Variants in ZFYVE9 observed in about 807,000 individuals in gnomAD.
ZFYVE9 encodes the protein zinc finger FYVE domain-containing protein 9.
ZFYVE9 carries 43 observed loss-of-function variants against 126.7 expected under a neutral mutation model. The observed-to-expected ratio is 0.34, with a 90% CI of 0.27 to 0.44. The LOEUF is 0.44. Among genes scored for constraint, ZFYVE9 ranks in the 20% least tolerant of loss-of-function variants. The pLI, the probability that ZFYVE9 is intolerant of heterozygous loss-of-function variation, is 1.00. For synonymous variants in ZFYVE9, 521 were observed against 597.4 expected (o/e 0.87, Z 1.87); for missense variants, 1,476 against 1,697.0 (o/e 0.87, Z 2.29).
chr1:52,168,155 A>G (rs1359152930), intron 1 of ZFYVE9, among the ~76,000 whole-genome samples: 1 of 151,872 alleles, frequency 6.6e-6, no homozygotes, highest in African/African-American at 2.4e-5. Context: ...TTGAAAATAG[A>G]AACAAATTAA....
At chr1:52,342,267 C>CTTT (rs35283062) in intron 17 of ZFYVE9, among the ~76,000 whole-genome samples, 12 of 133,206 alleles carry the variant, frequency 9.0e-5, no homozygotes, top group Non-Finnish European at 1.7e-4. Context: ...TATATTTTGC[C>CTTT]TTTTTTTTTT....
At chr1:52,164,984 A>G (rs1421910026) in intron 1 of ZFYVE9, among the ~76,000 whole-genome samples, 1 of 152,164 alleles carries the variant, frequency 6.6e-6, no homozygotes, top group African/African-American at 2.4e-5. Context: ...GTTTGGGAAG[A>G]TGAAAAATTT....
chr1:52,265,538 C>A (rs991376318), intron 5 of ZFYVE9, among the ~76,000 whole-genome samples: 1 of 152,114 alleles, frequency 6.6e-6, no homozygotes, highest in Non-Finnish European at 1.5e-5. Context: ...GCTTTAAAGG[C>A]GATAGGTGAT....
intron 13 of ZFYVE9, among the ~76,000 whole-genome samples, chr1:52,316,708 T>C (rs1646189123): frequency 6.6e-6 from 1 of 152,128 alleles, no homozygotes; most frequent in Non-Finnish European, 1.5e-5. Flanking sequence ...AGAGAACTGG[T>C]AAAACAAAAG....
At chr1:52,208,721 C>T (rs918636424) in intron 1 of ZFYVE9, among the ~76,000 whole-genome samples, 30 of 152,126 alleles carry the variant, frequency 2.0e-4, no homozygotes, top group South Asian at 8.3e-4. Context: ...TTAGTAGAGA[C>T]GGGGTTTCTC....
Position 52,340,585 on chromosome 1 carries a change from TA to T in ZFYVE9, c.3939+360del, listed in dbSNP as rs201792070. Reference sequence around the variant, plus strand: ...CTATTTTAGATAACATGACGGTCTTTAAAAAATACTTATTTCACTAATAAGA... The same window carrying T: ...CTATTTTAGATAACATGACGGTCTTTAAAAATACTTATTTCACTAATAAGA... On this transcript the variant is annotated intron_variant, in intron 17 of 18. Coordinates refer to ENST00000287727, the MANE Select transcript of ZFYVE9 (RefSeq NM_004799.4). Among the ~76,000 whole-genome samples the T allele has an allele frequency of 3.9e-3, 597 of 152,256 alleles. 3 individuals are homozygous for T. Among genetic ancestry groups the T allele is most frequent in the African/African-American group, 0.014 (569 of 41,532 alleles).
At chr1:52,246,147 T>C (rs1353128906) in intron 4 of ZFYVE9, among the ~76,000 whole-genome samples, 1 of 152,146 alleles carries the variant, frequency 6.6e-6, no homozygotes, top group Non-Finnish European at 1.5e-5. Flanking sequence ...TGGGCTAGTC[T>C]CAAAACTCCT....
chr1:52,249,642 T>TA (rs1645424587), intron 4 of ZFYVE9, among the ~76,000 whole-genome samples: 1 of 152,184 alleles, frequency 6.6e-6, no homozygotes, highest in African/African-American at 2.4e-5. Context: ...AACTCCAACT[T>TA]ACATTTTCTT....
chr1:52,312,964 A>G (rs765091240), intron 13 of ZFYVE9, among the ~76,000 whole-genome samples: 8 of 152,202 alleles, frequency 5.3e-5, no homozygotes, highest in Non-Finnish European at 1.2e-4. Context: ...TCGAAATCCA[A>G]TATGACTGGT....
At chr1:52,319,985 C>G (rs1474539872) in intron 13 of ZFYVE9, among the ~76,000 whole-genome samples, 45 of 148,124 alleles carry the variant, frequency 3.0e-4, no homozygotes, top group African/African-American at 1.1e-3. Context: ...TGCACTCCAG[C>G]CTGGTGACAG....
chr1:52,149,843 T>C (rs1644337609), intron 1 of ZFYVE9, among the ~76,000 whole-genome samples: 1 of 152,202 alleles, frequency 6.6e-6, no homozygotes, highest in Non-Finnish European at 1.5e-5. Flanking sequence ...ATACAATCTT[T>C]TAGTTCCTTT....
chr1:52,332,691 T>C lies in ZFYVE9; in HGVS notation c.3439-77T>C, dbSNP rs1052110067. On this transcript the variant is annotated intron_variant, in intron 13 of 18. Transcript: ENST00000287727. ...CGTAATATTCTGTTAGTTTTGTTTT[T>C]GAGAAGATGGAGTTGCACCATGTCA... 5.3e-6 allele frequency: 8 copies of C among 1,518,346 alleles called. No homozygotes were observed. The African/African-American group carries it at 9.8e-5, about 19-fold the overall frequency. The allele number at this position is 1,518,346 out of a possible 1,614,324, so 94.1% of individuals were successfully genotyped here. A position where few individuals can be genotyped will look rare whatever the true frequency, so the allele number is the denominator to read the frequency against.
Position 52,305,897 on chromosome 1 carries a change from C to T in ZFYVE9, c.3438+1972C>T, listed in dbSNP as rs559044518. Among the ~76,000 whole-genome samples, 590 of 152,308 alleles carry T rather than the reference C, an allele frequency of 3.9e-3. 2 individuals are homozygous for T. The highest frequency in any genetic ancestry group is 0.012 in the African/African-American group (495 of 41,556). On this transcript the variant is annotated intron_variant, in intron 13 of 18. Coordinates refer to ENST00000287727, the MANE Select transcript of ZFYVE9 (RefSeq NM_004799.4). ...CAGTGCTGACACACCAGTGCCCTGC[C>T]GCCTTGGCCCCCTCTGGACTTTGGG...
chr1:52,280,453 A>G (rs772682556), intron 9 of ZFYVE9, among the ~76,000 whole-genome samples: 4 of 152,062 alleles, frequency 2.6e-5, no homozygotes, highest in South Asian at 2.1e-4. Context: ...ATTTAGGTAC[A>G]TAAAGCAAGG....
chr1:52,236,519 G>A (rs1194367046), intron 3 of ZFYVE9, among the ~76,000 whole-genome samples: 2 of 152,174 alleles, frequency 1.3e-5, no homozygotes, highest in African/African-American at 2.4e-5. Context: ...AAGGCACTGA[G>A]TGCATTGTTC....
Position 52,268,613 on chromosome 1 carries a change from C to G in ZFYVE9, c.2606C>G (p.Thr869Ser), listed in dbSNP as rs762620317. ...CACGACCCAGTCAAGCCAGTAACTA[C>G]CAGTCCTCTACCAGCAGAGGTAAGA... is the stretch of plus-strand genomic sequence containing the variant. ...VSHDPVKPVT[T>S]SPLPAETDIC... Residue 869 changes from threonine (T) to serine (S), a missense_variant, in exon 7 of 19, where the codon ACC becomes AGC. Around this residue, in one of 2 missense-constraint regions of ZFYVE9, gnomAD observed 669 missense variants for 902.4 expected, o/e 0.74. Transcript: ENST00000287727. 1 of 1,614,112 alleles carries G rather than the reference C, an allele frequency of 6.2e-7. No homozygotes were observed. The highest frequency in any genetic ancestry group is 8.5e-7 in the Non-Finnish European group (1 of 1,179,994).
chr1:52,235,654 C>T (rs905445932), intron 3 of ZFYVE9, among the ~76,000 whole-genome samples: 7 of 152,116 alleles, frequency 4.6e-5, no homozygotes, highest in African/African-American at 1.7e-4. Flanking sequence ...TAATTCTTTT[C>T]TCAACCCAAA....
At chr1:52,184,393 A>ATT (rs57242903) in intron 1 of ZFYVE9, among the ~76,000 whole-genome samples, 238 of 115,032 alleles carry the variant, frequency 2.1e-3, no homozygotes, top group South Asian at 2.9e-3. Flanking sequence ...AGTCCAGCTA[A>ATT]TTTTTTTTTT....
intron 12 of ZFYVE9, among the ~76,000 whole-genome samples, chr1:52,301,371 G>A (rs1309878979): frequency 7.6e-6 from 1 of 131,114 alleles, no homozygotes; most frequent in African/African-American, 2.9e-5. Flanking sequence ...GCACAATCAC[G>A]GCTCACTGCA....
Sources: allele counts gnomAD v4.1 joint callset (sites outside exome capture counted in the v4.1 genomes callset), GRCh38; gene constraint gnomAD v4.1.1; regional missense constraint gnomAD v4.1.1; transcripts MANE v1.5; gene names NCBI Gene and HGNC (gene_info 2026-07-23, HGNC 2026-07-21).